Variants in RFC3 observed in about 807,000 individuals in gnomAD.
RFC3 encodes the protein replication factor C subunit 3.
In RFC3, 41 loss-of-function variants were observed where a neutral mutation model predicts 45.1. The ratio of observed to expected loss-of-function variants is 0.91; its 90% CI spans 0.71 to 1.18. The LOEUF is 1.18. Among genes scored for constraint, RFC3 ranks in the 50% most tolerant of loss-of-function variants. The pLI, the probability that RFC3 is intolerant of heterozygous loss-of-function variation, is 0.00. For missense variants in RFC3, 423 were observed against 428.1 expected (o/e 0.99, Z 0.10); for synonymous variants, 149 against 144.0 (o/e 1.03, Z -0.25).
intron 8 of RFC3, among the ~76,000 whole-genome samples, chr13:33,872,243 G>T (rs1202975682): frequency 6.6e-6 from 1 of 152,170 alleles, no homozygotes; most frequent in Admixed American, 6.5e-5. Flanking sequence ...GCACTGGAGG[G>T]GAGAAGGCCT....
chr13:33,837,888 A>C (rs1228667762), downstream of RFC3, among the ~76,000 whole-genome samples: 1 of 152,032 alleles, frequency 6.6e-6, no homozygotes, highest in Admixed American at 6.6e-5. Flanking sequence ...AAATGTTGAT[A>C]TTTTAGGTTT....
intron 8 of RFC3, among the ~76,000 whole-genome samples, chr13:33,924,750 C>T (rs2082792592): frequency 7.0e-6 from 1 of 143,684 alleles, no homozygotes; most frequent in Admixed American, 7.1e-5. Context: ...TATATCAGGG[C>T]CTGGTGATTG....
the RFC3 span, among the ~76,000 whole-genome samples, chr13:33,972,895 A>C: frequency 6.6e-6 from 1 of 152,222 alleles, no homozygotes; most frequent in African/African-American, 2.4e-5. Flanking sequence ...GAAATAGAAA[A>C]ATGTCAAGAG....
intron 2 of RFC3, among the ~76,000 whole-genome samples, chr13:33,822,321 G>C (rs575386845): frequency 6.6e-5 from 10 of 152,258 alleles, no homozygotes; most frequent in Non-Finnish European, 1.0e-4. Flanking sequence ...TAAATTATCT[G>C]TTTGCCCCAG....
intron 8 of RFC3, chr13:33,850,482 C>G (rs1394275448): frequency 1.3e-5 from 2 of 151,842 alleles, no homozygotes; most frequent in Non-Finnish European, 2.9e-5. Context: ...AATTGATACA[C>G]TGAGAAAACA....
the RFC3 span, among the ~76,000 whole-genome samples, chr13:33,974,479 C>A: frequency 6.6e-6 from 1 of 152,176 alleles, no homozygotes. Context: ...TCTTCCCCAG[C>A]ATGGAATGAT....
intron 7 of RFC3, among the ~76,000 whole-genome samples, chr13:33,831,737 A>G (rs925852061): frequency 9.9e-5 from 15 of 152,220 alleles, no homozygotes; most frequent in African/African-American, 3.4e-4. Context: ...CATGTGCTAG[A>G]AAGACACCAG....
At position 33,837,198 on chromosome 13, in the gene RFC3, G is replaced by T. The variant is rs572363692; in HGVS notation, c.*903G>T. On this transcript the variant is annotated 3_prime_UTR_variant, in exon 9 of 9. Coordinates refer to ENST00000380071, the MANE Select transcript of RFC3 (RefSeq NM_002915.4). ...GGTATAGATGCCGTCACCCCAAAAA[G>T]TTCCCTCCATATCCCTTTGCAGTCA... is the stretch of plus-strand genomic sequence containing the variant. 3 of 278,446 alleles carry T rather than the reference G, an allele frequency of 1.1e-5. No homozygotes were observed. The highest frequency in any genetic ancestry group is 1.6e-5 in the Non-Finnish European group (3 of 183,892). 17.2% of individuals were successfully genotyped at this position (278,446 alleles called of 1,614,324 possible). A position where few individuals can be genotyped will look rare whatever the true frequency, so the allele number is the denominator to read the frequency against.
chr13:33,844,270 A>C (rs1177534790), intron 8 of RFC3, among the ~76,000 whole-genome samples: 1 of 152,202 alleles, frequency 6.6e-6, no homozygotes, highest in Non-Finnish European at 1.5e-5. Context: ...AGTTTTCATA[A>C]GAGTTTTAGC....
chr13:33,955,808 A>T (rs9592154), intron 8 of RFC3, among the ~76,000 whole-genome samples: 2,326 of 152,214 alleles, frequency 0.015, 67 homozygotes, highest in African/African-American at 0.054. Context: ...TGCCCCACAC[A>T]CCACCCAGAT....
chr13:33,832,976 A>C (rs1033484103), intron 7 of RFC3, among the ~76,000 whole-genome samples: 1 of 152,190 alleles, frequency 6.6e-6, no homozygotes, highest in Non-Finnish European at 1.5e-5. Flanking sequence ...TGGTTTTCCT[A>C]ACACATTTTG....
chr13:33,855,554 T>C lies in RFC3; in HGVS notation c.879+20337T>C, dbSNP rs528636779. Among the ~76,000 whole-genome samples the C allele has an allele frequency of 2.6e-5, 4 of 152,324 alleles. No homozygotes were observed. In the East Asian group the frequency reaches 7.7e-4, roughly 29 times the overall value. ...TTAGGTCTTTGAGGAAGTGCCACAC[T>C]GCATTCCACAATGGTTGAACTAATT... On this transcript the variant is annotated intron_variant, in intron 8 of 8. Transcript: ENST00000434425.
chr13:33,825,012 G>A (rs2082036231), intron 3 of RFC3, among the ~76,000 whole-genome samples: 1 of 152,102 alleles, frequency 6.6e-6, no homozygotes. Flanking sequence ...AAACTTAGTG[G>A]CTCTTTGAGA....
At chr13:33,923,778 C>G (rs754593201) in intron 8 of RFC3, among the ~76,000 whole-genome samples, 39 of 152,072 alleles carry the variant, frequency 2.6e-4, no homozygotes, top group Admixed American at 9.2e-4. Flanking sequence ...TCTGAAGGTG[C>G]TTTAATCTTT....
downstream of RFC3, among the ~76,000 whole-genome samples, chr13:33,841,478 G>C (rs1461380442): frequency 6.6e-6 from 1 of 152,124 alleles, no homozygotes; most frequent in Non-Finnish European, 1.5e-5. Context: ...TCATTTTGAA[G>C]TATCAGTACA....
the RFC3 span, among the ~76,000 whole-genome samples, chr13:33,974,432 C>G: frequency 2.0e-5 from 3 of 152,144 alleles, no homozygotes; most frequent in South Asian, 2.1e-4. Context: ...GTTTTCTCTG[C>G]TGCTAAACAA....
At chr13:33,857,589 C>CATTAAA (rs71074989) in intron 8 of RFC3, among the ~76,000 whole-genome samples, 117,873 of 151,286 alleles carry the variant, frequency 0.78, 47,977 homozygotes, top group Non-Finnish European at 0.92. Context: ...GTGGGGCTAA[C>CATTAAA]ATTAAAATTA....
At chr13:33,945,150 G>A (rs1314701138) in intron 8 of RFC3, among the ~76,000 whole-genome samples, 1 of 152,050 alleles carries the variant, frequency 6.6e-6, no homozygotes, top group African/African-American at 2.4e-5. Context: ...TCATCTCTAT[G>A]GCCTTTGCCT....
chr13:33,841,202 C>T (rs1019467941), downstream of RFC3, among the ~76,000 whole-genome samples: 4 of 152,216 alleles, frequency 2.6e-5, no homozygotes, highest in African/African-American at 9.6e-5. Flanking sequence ...TTTCATCCTT[C>T]TCCACCCCTT....
Sources: allele counts gnomAD v4.1 joint callset (sites outside exome capture counted in the v4.1 genomes callset), GRCh38; gene constraint gnomAD v4.1.1; transcripts MANE v1.5; gene names NCBI Gene and HGNC (gene_info 2026-07-23, HGNC 2026-07-21).